ZFHX3: variants seen among roughly 807,000 people sequenced by gnomAD.
The protein encoded by ZFHX3 is zinc finger homeobox protein 3.
In ZFHX3, 42 loss-of-function variants were observed where a neutral mutation model predicts 279.1. The ratio of observed to expected loss-of-function variants is 0.15; its 90% CI spans 0.12 to 0.19. ZFHX3 has a LOEUF of 0.19. Among genes scored for constraint, ZFHX3 ranks in the 10% least tolerant of loss-of-function variants. ZFHX3 has a pLI of 1.00. For missense variants in ZFHX3, 4,981 were observed against 4,754.0 expected (o/e 1.05, Z -1.40); for synonymous variants, 2,293 against 1,957.8 (o/e 1.17, Z -4.52).
At position 73,254,239 on chromosome 16, in the gene ZFHX3, G is replaced by A. The variant is rs539662851; in HGVS notation, c.-1104+2808C>T. Among the ~76,000 whole-genome samples, 12 of 152,184 alleles carry A rather than the reference G, an allele frequency of 7.9e-5. No individual in the cohort carries two copies. The South Asian group carries it at 8.3e-4, about 11-fold the overall frequency. On this transcript the variant is annotated intron_variant, in intron 5 of 17. Coordinates refer to the ZFHX3 transcript ENST00000641206. ...CACATGGTCTGAGGCACTTCTTACCGGATCCATCCTTCCCACTATCCTTTC... is the reference window on the plus strand; with the variant it reads ...CACATGGTCTGAGGCACTTCTTACCAGATCCATCCTTCCCACTATCCTTTC...
At chr16:73,471,855 A>C (rs1247087913) in intron 2 of ZFHX3, among the ~76,000 whole-genome samples, 1 of 152,186 alleles carries the variant, frequency 6.6e-6, no homozygotes, top group African/African-American at 2.4e-5. Context: ...CTTAGCCTGG[A>C]AAAAACCCTG....
At chr16:73,478,663 A>G (rs534256277) in intron 2 of ZFHX3, among the ~76,000 whole-genome samples, 35 of 152,296 alleles carry the variant, frequency 2.3e-4, no homozygotes, top group African/African-American at 8.4e-4. Flanking sequence ...TAGCTCTTGT[A>G]TAAACAGATA....
At chr16:73,600,284 A>G (rs2052097802) in intron 2 of ZFHX3, among the ~76,000 whole-genome samples, 1 of 152,180 alleles carries the variant, frequency 6.6e-6, no homozygotes, top group Admixed American at 6.5e-5. Context: ...GAAACTTCCC[A>G]AGAGATGGTA....
In ZFHX3 at chr16:73,717,762, G is replaced by C. The variant is rs559335493; in HGVS notation, c.-1607-37522C>G. 4.6e-5 allele frequency among the ~76,000 whole-genome samples: 7 copies of C among 152,242 alleles called. No individual in the cohort carries two copies. In the East Asian group the frequency reaches 1.4e-3, roughly 29 times the overall value. On this transcript the variant is annotated intron_variant, in intron 1 of 17. Transcript: ENST00000641206. ...GAATTGGCTCTAGATCTCATTCCCA[G>C]TTCCCCAGTTCATTAGCCATGAAAA...
intron 2 of ZFHX3, among the ~76,000 whole-genome samples, chr16:73,581,824 C>T (rs1318231755): frequency 6.6e-6 from 1 of 151,484 alleles, no homozygotes; most frequent in Non-Finnish European, 1.5e-5. Context: ...CATGTGCCAC[C>T]ACACACACCT....
chr16:73,595,645 T>G (rs1297538578), intron 2 of ZFHX3, among the ~76,000 whole-genome samples: 2 of 152,218 alleles, frequency 1.3e-5, no homozygotes, highest in Non-Finnish European at 2.9e-5. Context: ...GCTTTGACAT[T>G]TTCCAAGATT....
intron 4 of ZFHX3, among the ~76,000 whole-genome samples, chr16:73,300,611 C>T (rs967319094): frequency 6.6e-6 from 1 of 152,156 alleles, no homozygotes; most frequent in Admixed American, 6.5e-5. Context: ...TCAGGTGATG[C>T]TCATGCCTCA....
intron 4 of ZFHX3, among the ~76,000 whole-genome samples, chr16:73,298,968 A>G (rs2014991427): frequency 6.6e-6 from 1 of 152,256 alleles, no homozygotes; most frequent in African/African-American, 2.4e-5. Context: ...CAACACCAGT[A>G]TCTGTGCAGA....
chr16:73,571,267 G>C (rs905340065), intron 2 of ZFHX3, among the ~76,000 whole-genome samples: 1 of 151,768 alleles, frequency 6.6e-6, no homozygotes, highest in Non-Finnish European at 1.5e-5. Flanking sequence ...TAGATATACC[G>C]CTCCTACCTC....
intron 2 of ZFHX3, among the ~76,000 whole-genome samples, chr16:73,597,036 G>A (rs73602993): frequency 0.012 from 1,861 of 152,244 alleles, 43 homozygotes; most frequent in African/African-American, 0.042. Context: ...GACATTTCTG[G>A]ATACTGTTCA....
chr16:73,433,026 G>A (rs2017936056), intron 3 of ZFHX3, among the ~76,000 whole-genome samples: 1 of 152,194 alleles, frequency 6.6e-6, no homozygotes, highest in Non-Finnish European at 1.5e-5. Context: ...AGGAGGGAGA[G>A]GCTGGGGCCT....
intron 1 of ZFHX3, among the ~76,000 whole-genome samples, chr16:73,854,244 G>A (rs542303492): frequency 3.3e-5 from 5 of 152,242 alleles, no homozygotes; most frequent in South Asian, 4.1e-4. Context: ...AGTACACATC[G>A]GCTGGGCACA....
rs762296057 is a variant in ZFHX3 at position 72,794,698 on chromosome 16, G to A, written c.7984C>T (p.Leu2662=). Residue 2662 remains leucine, a synonymous_variant, in exon 9 of 10, where the codon CTG becomes TTG. Transcript: ENST00000268489. This position sits in a 1 kb window ranked among gnomAD's most constrained non-coding sequence, Gnocchi z 4.2. ...ATCTTTCGAGTCGGATTGGAATCCAGTAGATACTTCTGGTAGAGAATTTCT... is the reference window on the plus strand; with the variant it reads ...ATCTTTCGAGTCGGATTGGAATCCAATAGATACTTCTGGTAGAGAATTTCT... ...QLEILYQKYL[L]DSNPTRKMLD... 1 of 1,614,234 alleles carries A rather than the reference G, an allele frequency of 6.2e-7. No individual in the cohort carries two copies. The highest frequency in any genetic ancestry group is 1.7e-5 in the Admixed American group (1 of 60,032).
intron 2 of ZFHX3, among the ~76,000 whole-genome samples, chr16:73,581,235 T>C (rs1345030785): frequency 6.6e-6 from 1 of 151,846 alleles, no homozygotes; most frequent in African/African-American, 2.4e-5. Context: ...CCCACCAACA[T>C]AGACAATAAA....
chr16:73,018,211 C>G (rs909973679), intron 1 of ZFHX3, among the ~76,000 whole-genome samples: 1 of 151,928 alleles, frequency 6.6e-6, no homozygotes, highest in Admixed American at 6.5e-5. Flanking sequence ...AGGCTGGTCT[C>G]GAACTCCTGG....
Position 72,788,681 on chromosome 16 carries a change from GCTGCT to G in ZFHX3, c.9590_9594del (p.Gln3197ProfsTer40), listed in dbSNP as rs1244188181. On this transcript the variant is annotated frameshift_variant, in exon 10 of 10. Coordinates refer to ENST00000268489, the MANE Select transcript of ZFHX3 (RefSeq NM_006885.4). LOFTEE classifies it high-confidence loss of function. ...ACCTGTGGTTGCTGCTGCTGCTGCT[GCTGCT>G]GGGGGGGTTGCTGAGGGCCCATCGC... The G allele has an allele frequency of 6.2e-7, 1 of 1,613,492 alleles. No homozygotes were observed. Among genetic ancestry groups the G allele is most frequent in the Non-Finnish European group, 8.5e-7 (1 of 1,179,700 alleles).
intron 3 of ZFHX3, among the ~76,000 whole-genome samples, chr16:73,449,546 C>T (rs1336315720): frequency 2.6e-5 from 4 of 152,006 alleles, no homozygotes; most frequent in Admixed American, 6.6e-5. Context: ...AAATAAAATT[C>T]GCCTAATAAA....
chr16:73,551,481 G>A (rs1727299452), intron 2 of ZFHX3, among the ~76,000 whole-genome samples: 1 of 152,216 alleles, frequency 6.6e-6, no homozygotes. Context: ...GGAAGCAGCT[G>A]TGGGTTATGT....
chr16:73,099,504 A>T (rs572036125), intron 7 of ZFHX3, among the ~76,000 whole-genome samples: 1 of 152,114 alleles, frequency 6.6e-6, no homozygotes, highest in African/African-American at 2.4e-5. Flanking sequence ...TGTGGTCAGG[A>T]GTTTGAGACC....
Sources: allele counts gnomAD v4.1 joint callset (sites outside exome capture counted in the v4.1 genomes callset), GRCh38; gene constraint gnomAD v4.1.1; non-coding constraint Gnocchi (gnomAD v3.1); transcripts MANE v1.5; gene names NCBI Gene and HGNC (gene_info 2026-07-23, HGNC 2026-07-21).